The following LGR5 variants were observed in gnomAD, a reference collection of about 807,000 sequenced individuals.
LGR5 encodes leucine rich repeat containing G protein-coupled receptor 5.
A neutral mutation model predicts 76.7 loss-of-function variants in LGR5; 54 were observed. The ratio of observed to expected loss-of-function variants is 0.70; its 90% CI spans 0.57 to 0.88. LGR5 has a LOEUF of 0.88. LGR5 is among the 40% of genes least tolerant of loss of function. The pLI, the probability that LGR5 is intolerant of heterozygous loss-of-function variation, is 0.00. For missense variants in LGR5, 1,078 were observed against 1,073.3 expected, an observed-to-expected ratio of 1.00 and a Z score of -0.06; for synonymous variants, 406 against 421.9, an observed-to-expected ratio of 0.96 and a Z score of 0.46.
At chr12:71,475,642 C>T (rs1395881955) in intron 1 of LGR5, among the ~76,000 whole-genome samples, 1 of 152,192 alleles carries the variant, frequency 6.6e-6, no homozygotes, top group African/African-American at 2.4e-5. Flanking sequence ...CCTTCTCTCA[C>T]TCATCCCCCC....
At chr12:71,544,890 C>T (rs1877075203) in intron 4 of LGR5, among the ~76,000 whole-genome samples, 1 of 152,006 alleles carries the variant, frequency 6.6e-6, no homozygotes, top group South Asian at 2.1e-4. Context: ...GGTTTTTTGG[C>T]TTTCCTGACT....
rs374681906 is a variant in LGR5, at chr12:71,440,033, T to G, written c.-48T>G. The G allele has an allele frequency of 6.4e-7, 1 of 1,566,794 alleles. No individual in the cohort carries two copies. The highest frequency in any genetic ancestry group is 1.1e-5 in the South Asian group (1 of 90,270). On this transcript the variant is annotated 5_prime_UTR_variant, in exon 1 of 18. Transcript: ENST00000266674. This position sits in a 1 kb window ranked among gnomAD's most constrained non-coding sequence, Gnocchi z 5.3. ...CGCGCCACGGCCCGTAGCAGTCCGGTGCTGCTCTCCGCCCGCGTCCGGCTC... is the reference window on the plus strand; with the variant it reads ...CGCGCCACGGCCCGTAGCAGTCCGGGGCTGCTCTCCGCCCGCGTCCGGCTC...
At chr12:71,480,598 G>A (rs981803129) in intron 1 of LGR5, among the ~76,000 whole-genome samples, 2 of 152,086 alleles carry the variant, frequency 1.3e-5, no homozygotes, top group African/African-American at 4.8e-5. Context: ...TGTACTTCTT[G>A]TGTCAATCCG....
intron 1 of LGR5, among the ~76,000 whole-genome samples, chr12:71,485,915 G>A (rs188106707): frequency 1.3e-3 from 192 of 151,896 alleles, no homozygotes; most frequent in African/African-American, 4.1e-3. Context: ...ACAGGTGTCC[G>A]CCACCACACT....
At chr12:71,546,058 G>T (rs558865770) in intron 4 of LGR5, among the ~76,000 whole-genome samples, 1 of 152,212 alleles carries the variant, frequency 6.6e-6, no homozygotes, top group East Asian at 1.9e-4. Context: ...AATTGTTTGA[G>T]GCCTAGCACT....
chr12:71,541,892 A>G (rs1876897976), intron 4 of LGR5, among the ~76,000 whole-genome samples: 1 of 152,066 alleles, frequency 6.6e-6, no homozygotes, highest in East Asian at 1.9e-4. Flanking sequence ...ACATTATCTT[A>G]CCTCCCTCAG....
At position 71,578,852 on chromosome 12, in the gene LGR5, T is replaced by C. The variant is rs1397658844; in HGVS notation, c.1329T>C (p.His443=). ...LLSSFPITGL[H]GLTHLKLTGN... ...CGTCTTTTCCTATAACTGGGTTACATGGTTTAACTCACTTAAAATTAACAG... is the reference window on the plus strand; with the variant it reads ...CGTCTTTTCCTATAACTGGGTTACACGGTTTAACTCACTTAAAATTAACAG... Residue 443 remains histidine (H), a synonymous_variant, in exon 15 of 18, where the codon CAT becomes CAC. Transcript: ENST00000266674. 13 of 1,612,790 alleles carry C rather than the reference T, an allele frequency of 8.1e-6. No individual in the cohort carries two copies. Among genetic ancestry groups the C allele is most frequent in the Non-Finnish European group, 9.3e-6 (11 of 1,179,218 alleles).
intron 5 of LGR5, among the ~76,000 whole-genome samples, chr12:71,554,155 A>T (rs1877643399): frequency 6.6e-6 from 1 of 152,212 alleles, no homozygotes; most frequent in African/African-American, 2.4e-5. Flanking sequence ...TATTACTCAA[A>T]TCAGCCTCCC....
At chr12:71,518,234 A>G (rs1875542415) in intron 2 of LGR5, among the ~76,000 whole-genome samples, 1 of 152,228 alleles carries the variant, frequency 6.6e-6, no homozygotes, top group Admixed American at 6.5e-5. Flanking sequence ...TGCAGCCAAC[A>G]AGTATATGAA....
In LGR5 at chr12:71,548,847, CA is replaced by C. The variant is rs1319212089; in HGVS notation, c.429-4225del. Among the ~76,000 whole-genome samples, 187 of 150,216 alleles carry C rather than the reference CA, an allele frequency of 1.2e-3. 1 individual carries two copies. In the East Asian group the frequency reaches 0.029, roughly 24 times the overall value. On this transcript the variant is annotated intron_variant, in intron 4 of 17. Coordinates refer to ENST00000266674, the MANE Select transcript of LGR5 (RefSeq NM_003667.4). ...ACACACACACACACACACACACACA[CA>C]CCCTCTGTGACTTGCACAAAATGGA...
At chr12:71,556,336 C>T (rs78250848) in intron 5 of LGR5, among the ~76,000 whole-genome samples, 1 of 145,292 alleles carries the variant, frequency 6.9e-6, no homozygotes, top group Admixed American at 6.7e-5. Flanking sequence ...AAAAAAAAAA[C>T]AGCCTTGAAA....
At chr12:71,533,321 G>A (rs1876421582) in intron 3 of LGR5, among the ~76,000 whole-genome samples, 1 of 152,166 alleles carries the variant, frequency 6.6e-6, no homozygotes, top group South Asian at 2.1e-4. Flanking sequence ...CTCCAGCCTG[G>A]TGACAGAGTG....
chr12:71,582,640 A>G (rs1879142913), intron 17 of LGR5, 101 bp downstream of exon 17: 14 of 836,460 alleles, frequency 1.7e-5, no homozygotes, highest in South Asian at 7.4e-5. Flanking sequence ...ATCTGTGCCA[A>G]CTTTGCAGCT....
intron 1 of LGR5, among the ~76,000 whole-genome samples, chr12:71,458,595 T>C (rs972422503): frequency 3.3e-5 from 5 of 152,194 alleles, no homozygotes; most frequent in African/African-American, 1.2e-4. Flanking sequence ...TTCTTGCTAG[T>C]TTTTATAAAG....
chr12:71,473,623 T>C (rs1873194917), intron 1 of LGR5, among the ~76,000 whole-genome samples: 1 of 151,210 alleles, frequency 6.6e-6, no homozygotes, highest in African/African-American at 2.4e-5. Flanking sequence ...AATATTTTTA[T>C]TAAATAAATA....
At chr12:71,510,726 T>C (rs1875111347) in intron 2 of LGR5, among the ~76,000 whole-genome samples, 1 of 151,188 alleles carries the variant, frequency 6.6e-6, no homozygotes, top group East Asian at 1.9e-4. Flanking sequence ...ACAAACATGG[T>C]ATAGATAAGG....
chr12:71,509,788 G>T (rs1875054627), intron 2 of LGR5, among the ~76,000 whole-genome samples: 1 of 152,140 alleles, frequency 6.6e-6, no homozygotes, highest in Admixed American at 6.6e-5. Context: ...AGTGCTATTG[G>T]AATCAAATAC....
chr12:71,536,933 T>C (rs1477426984), intron 4 of LGR5, among the ~76,000 whole-genome samples: 1 of 152,204 alleles, frequency 6.6e-6, no homozygotes, highest in East Asian at 1.9e-4. Context: ...ATGTGTTCCC[T>C]GTGAAAAGGT....
chr12:71,530,996 GAAAA>G (rs35134425), intron 3 of LGR5, among the ~76,000 whole-genome samples: 1 of 138,662 alleles, frequency 7.2e-6, no homozygotes, highest in Non-Finnish European at 1.5e-5. Flanking sequence ...GTCCTGTTGG[GAAAA>G]AAAAAAAAAA....
Sources: allele counts gnomAD v4.1 joint callset (sites outside exome capture counted in the v4.1 genomes callset), GRCh38; gene constraint gnomAD v4.1.1; non-coding constraint Gnocchi (gnomAD v3.1); transcripts MANE v1.5; gene names NCBI Gene and HGNC (gene_info 2026-07-23, HGNC 2026-07-21).